Variants in TJP2 observed in about 807,000 individuals in gnomAD.
TJP2 encodes tight junction protein 2, also known as Friedreich ataxia region gene X104 (tight junction protein ZO-2).
A neutral mutation model predicts 133.1 loss-of-function variants in TJP2; 91 were observed. The observed-to-expected ratio is 0.68, with a 90% CI of 0.58 to 0.81. The LOEUF is 0.81. TJP2 is among the 40% of genes least tolerant of loss of function. The pLI is 0.00. For synonymous variants in TJP2, 592 were observed against 583.4 expected (o/e 1.01, Z -0.21); for missense variants, 1,541 against 1,565.6 (o/e 0.98, Z 0.26).
At chr9:69,135,762 C>T (rs898688576) in intron 1 of TJP2, among the ~76,000 whole-genome samples, 4 of 152,128 alleles carry the variant, frequency 2.6e-5, no homozygotes, top group African/African-American at 7.2e-5. Context: ...CGCGCCATCA[C>T]GCCCAGCTAA....
exon 2 of TJP2, chr9:69,151,764 G>T (rs540163501): frequency 8.1e-7 from 1 of 1,231,990 alleles, no homozygotes; most frequent in African/African-American, 1.6e-5. Flanking sequence ...CACGGCCCAC[G>T]TTGCCAGGTA....
Position 69,220,920 on chromosome 9 carries a change from G to A in TJP2, c.376G>A (p.Ala126Thr), listed in dbSNP as rs756272179. The A allele has an allele frequency of 6.8e-6, 11 of 1,612,236 alleles. No homozygotes were observed. In the East Asian group the frequency reaches 1.1e-4, roughly 16 times the overall value. The stretch of plus-strand genomic sequence containing the variant: ...GAGGCCCCGGAAGGTCCAGGTGGCC[G>A]CACTTCAGGCCAGCCCTCCCCTGGA... ...VKRPRKVQVA[A>T]LQASPPLDQD... The change falls in exon 5 of 23, where the codon GCA becomes ACA. Residue 126 changes from alanine (A) to threonine (T), a missense_variant. Transcript: ENST00000377245.
At chr9:69,212,931 C>A (rs1159343377) in intron 2 of TJP2, among the ~76,000 whole-genome samples, 3 of 44,896 alleles carry the variant, frequency 6.7e-5, no homozygotes, top group Non-Finnish European at 2.0e-4. Context: ...GAGCTTTTTA[C>A]AACTTCTGTA....
rs199666475 is a variant in TJP2, at chr9:69,239,990, C to T, written c.2409C>T (p.Tyr803=). 4 of 1,614,212 alleles carry T rather than the reference C, an allele frequency of 2.5e-6. No individual in the cohort carries two copies. Among genetic ancestry groups the T allele is most frequent in the Non-Finnish European group, 3.4e-6 (4 of 1,180,040 alleles). The change falls in exon 17 of 23, where the codon TAC becomes TAT. Residue 803 remains tyrosine (Y), a synonymous_variant. Transcript: ENST00000377245. The part of the protein sequence containing the change: ...VTPKAVDLLN[Y]TQWFPIVIFF... ...CGAAAGCTGTGGACCTGTTGAATTA[C>T]ACCCAGTGGTTCCCAATTGTGATTT...
At chr9:69,166,880 T>C (rs1430267019) in intron 2 of TJP2, among the ~76,000 whole-genome samples, 1 of 152,232 alleles carries the variant, frequency 6.6e-6, no homozygotes, top group Non-Finnish European at 1.5e-5. Flanking sequence ...GAGGCTGCTG[T>C]GAGCTATGAT....
intron 1 of TJP2, among the ~76,000 whole-genome samples, chr9:69,209,427 C>G (rs538596429): frequency 7.9e-5 from 12 of 152,298 alleles, no homozygotes; most frequent in Admixed American, 7.8e-4. Context: ...AACCATCACG[C>G]CCGACCCGGT....
intron 1 of TJP2, among the ~76,000 whole-genome samples, chr9:69,131,011 C>T (rs941483638): frequency 2.6e-5 from 4 of 152,268 alleles, no homozygotes; most frequent in Admixed American, 6.5e-5. Flanking sequence ...GGATGTGCTG[C>T]TTGTGGCCAC....
intron 22 of TJP2, chr9:69,253,189 C>T: frequency 4.4e-6 from 2 of 458,840 alleles, no homozygotes; most frequent in Non-Finnish European, 4.0e-6. Flanking sequence ...ACATGGTTAG[C>T]ACATGAGCAG....
chr9:69,194,564 C>T (rs970010332), intron 1 of TJP2, among the ~76,000 whole-genome samples: 3 of 152,182 alleles, frequency 2.0e-5, no homozygotes, highest in Non-Finnish European at 2.9e-5. Flanking sequence ...GCAGTAGCCA[C>T]ATTTCACATG....
intron 4 of TJP2, 83 bp downstream of exon 4, chr9:69,218,442 A>G: frequency 1.0e-6 from 1 of 986,260 alleles, no homozygotes; most frequent in Non-Finnish European, 1.6e-6. Flanking sequence ...GCTTTTAAGC[A>G]TTTGACAGAA....
chr9:69,159,769 G>A (rs7863395), intron 2 of TJP2, among the ~76,000 whole-genome samples: 57,160 of 151,310 alleles, frequency 0.38, 10,969 homozygotes, highest in Non-Finnish European at 0.4. Flanking sequence ...CCAGCTACTC[G>A]GGAGGCTGAG....
At chr9:69,132,305 A>G (rs1245863678) in intron 1 of TJP2, among the ~76,000 whole-genome samples, 1 of 152,230 alleles carries the variant, frequency 6.6e-6, no homozygotes, top group African/African-American at 2.4e-5. Context: ...GTGGGAATCC[A>G]AATTCCCAGG....
chr9:69,234,584 G>A, intron 12 of TJP2, 37 bp downstream of exon 12: 1 of 1,234,010 alleles, frequency 8.1e-7, no homozygotes, highest in Non-Finnish European at 1.2e-6. Flanking sequence ...GTTGGGGTGG[G>A]GGTGGGGAGT....
intron 5 of TJP2, among the ~76,000 whole-genome samples, chr9:69,224,868 G>A (rs901430187): frequency 6.6e-6 from 1 of 151,222 alleles, no homozygotes; most frequent in African/African-American, 2.4e-5. Context: ...TAAGTTGCAG[G>A]CAACTCACCA....
intron 2 of TJP2, among the ~76,000 whole-genome samples, chr9:69,161,282 G>A (rs1221070747): frequency 6.6e-6 from 1 of 152,086 alleles, no homozygotes; most frequent in African/African-American, 2.4e-5. Context: ...AGGCTAGAGT[G>A]CAATGGCATG....
At chr9:69,230,775 A>T (rs1309988258) in intron 11 of TJP2, among the ~76,000 whole-genome samples, 2 of 152,216 alleles carry the variant, frequency 1.3e-5, no homozygotes, top group African/African-American at 4.8e-5. Flanking sequence ...AGATTAGACC[A>T]GGTAACACTT....
At chr9:69,240,937 A>G (rs1010702506) in intron 17 of TJP2, among the ~76,000 whole-genome samples, 3 of 152,222 alleles carry the variant, frequency 2.0e-5, no homozygotes, top group Admixed American at 6.5e-5. Context: ...AGGAATGCAT[A>G]CTAAATAAAA....
chr9:69,252,475 G>GT (rs879599591), intron 21 of TJP2, among the ~76,000 whole-genome samples: 21 of 152,064 alleles, frequency 1.4e-4, no homozygotes, highest in Non-Finnish European at 2.5e-4. Flanking sequence ...TTTACTTTCT[G>GT]TTTTTTGTGA....
chr9:69,254,264 G>A lies in TJP2; in HGVS notation c.3463G>A (p.Gly1155Arg), dbSNP rs200425899. Residue 1155 changes from glycine to arginine, a missense_variant, in exon 23 of 23, where the codon GGA (glycine) becomes AGA (arginine). By Grantham distance (125) the Gly-to-Arg change is moderately radical. Transcript: ENST00000377245. ...APSRPYQDTR[G>R]SYGSDAEEEE... ...TTCCAGACCTTATCAGGATACCAGAGGAAGTTATGGCAGTGATGCCGAGGA... is the reference window on the plus strand; with the variant it reads ...TTCCAGACCTTATCAGGATACCAGAAGAAGTTATGGCAGTGATGCCGAGGA... 3 of 1,614,268 alleles carry A rather than the reference G, an allele frequency of 1.9e-6. No homozygotes were observed. The highest frequency in any genetic ancestry group is 1.3e-5 in the African/African-American group (1 of 75,070).
Sources: gnomAD v4.1 joint callset for allele counts (sites outside exome capture counted in the v4.1 genomes callset) on GRCh38, gnomAD v4.1.1 for gene constraint, MANE v1.5 for transcripts, NCBI Gene and HGNC (gene_info 2026-07-23, HGNC 2026-07-21) for gene names.